The following KALRN variants were observed in gnomAD, a reference collection of about 807,000 sequenced individuals.
KALRN encodes the protein kalirin RhoGEF kinase.
KALRN carries 70 observed loss-of-function variants against 353.7 expected under a neutral mutation model. That is an observed-to-expected ratio of 0.20 (90% confidence interval 0.16 to 0.24). The LOEUF is 0.24. Ranked by LOEUF, KALRN falls within the 10% of genes least tolerant of loss-of-function variation. The probability of loss-of-function intolerance (pLI) is 1.00; values close to 1 mark genes in which losing one functional copy is unlikely to be tolerated. For synonymous variants in KALRN, 1,391 were observed against 1,434.8 expected (o/e 0.97, Z 0.69); for missense variants, 2,791 against 3,756.7 (o/e 0.74, Z 6.72).
intron 6 of KALRN, among the ~76,000 whole-genome samples, chr3:124,322,964 T>A (rs1020317071): frequency 6.6e-6 from 1 of 152,206 alleles, no homozygotes; most frequent in Non-Finnish European, 1.5e-5. Context: ...AGAAGAACAA[T>A]GAGCAAATTC....
At chr3:124,289,312 A>G (rs1367818835) in intron 5 of KALRN, among the ~76,000 whole-genome samples, 1 of 152,190 alleles carries the variant, frequency 6.6e-6, no homozygotes, top group Admixed American at 6.5e-5. Context: ...TTCAAACCAT[A>G]GCAGGCACTG....
chr3:124,217,427 G>A (rs2077440256), intron 1 of KALRN, among the ~76,000 whole-genome samples: 1 of 152,120 alleles, frequency 6.6e-6, no homozygotes, highest in African/African-American at 2.4e-5. Flanking sequence ...GACATATAGG[G>A]TTCATGCTAT....
In KALRN at chr3:124,496,064, GT is replaced by G. The variant is rs1431113251; in HGVS notation, c.4833-243del. On this transcript the variant is annotated intron_variant, in intron 32 of 59. Coordinates refer to ENST00000682506, the MANE Select transcript of KALRN (RefSeq NM_001388419.1). The stretch of plus-strand genomic sequence containing the variant: ...CCCCTCTGCAGCATGGGCTGGAGGA[GT>G]TTTGGGGAAGGGGGTCATTTTGCAT... Among the ~76,000 whole-genome samples the G allele has an allele frequency of 6.4e-5, 9 of 141,686 alleles. No individual in the cohort carries two copies. The Admixed American group carries it at 6.5e-4, about 10-fold the overall frequency. The allele number at this position is 141,686 out of a possible 152,430, so 93.0% of individuals were successfully genotyped here. A position where few individuals can be genotyped will look rare whatever the true frequency, so the allele number is the denominator to read the frequency against.
intron 12 of KALRN, among the ~76,000 whole-genome samples, chr3:124,398,261 A>G (rs1560802168): frequency 6.6e-6 from 1 of 152,078 alleles, no homozygotes; most frequent in African/African-American, 2.4e-5. Flanking sequence ...AACTAGGAAG[A>G]TTTTTTTTAA....
At chr3:124,615,099 T>C (rs1692595633) in intron 34 of KALRN, among the ~76,000 whole-genome samples, 1 of 152,256 alleles carries the variant, frequency 6.6e-6, no homozygotes, top group Admixed American at 6.5e-5. Context: ...TATGCAGTTT[T>C]ACCTGGTGGA....
At chr3:124,518,276 G>A (rs531461898) in intron 33 of KALRN, 1 of 837,384 alleles carries the variant, frequency 1.2e-6, no homozygotes, top group South Asian at 1.4e-5. Flanking sequence ...TCTGCACTGG[G>A]TTACTAGAAA....
intron 19 of KALRN, among the ~76,000 whole-genome samples, chr3:124,443,784 A>G (rs2093744106): frequency 6.6e-6 from 1 of 152,132 alleles, no homozygotes; most frequent in Non-Finnish European, 1.5e-5. Flanking sequence ...GAGGGGGGAA[A>G]ATAATCCTGA....
At position 124,694,577 on chromosome 3, in the gene KALRN, G is replaced by A. The variant is rs571413095; in HGVS notation, c.7577+74G>A. On this transcript the variant is annotated intron_variant, in intron 53 of 59. Coordinates refer to ENST00000682506, the MANE Select transcript of KALRN (RefSeq NM_001388419.1). ...AGCACTGAGAGGCTGAATCTGGGGT[G>A]CAACTTCTGCTCTGGTGACTGGGCT... The A allele has an allele frequency of 1.1e-5, 16 of 1,423,844 alleles. No homozygotes were observed. In the Admixed American group the frequency reaches 2.0e-4, roughly 18 times the overall value. 88.2% of individuals were successfully genotyped at this position (1,423,844 alleles called of 1,614,324 possible). A position where few individuals can be genotyped will look rare whatever the true frequency, so the allele number is the denominator to read the frequency against.
At chr3:124,310,947 G>T (rs1466748669) in intron 6 of KALRN, among the ~76,000 whole-genome samples, 6 of 150,820 alleles carry the variant, frequency 4.0e-5, no homozygotes, top group Admixed American at 3.3e-4. Flanking sequence ...ATGTGCAAAG[G>T]ATTTAAATAG....
At chr3:124,383,924 C>T (rs909874210) in intron 10 of KALRN, among the ~76,000 whole-genome samples, 3 of 152,170 alleles carry the variant, frequency 2.0e-5, no homozygotes, top group Non-Finnish European at 4.4e-5. Context: ...TTGTTCGCCA[C>T]TCTAGAGTTT....
At chr3:124,053,541 G>T (rs1346485511) in intron 1 of KALRN, among the ~76,000 whole-genome samples, 1 of 152,122 alleles carries the variant, frequency 6.6e-6, no homozygotes, top group Non-Finnish European at 1.5e-5. Context: ...CACTTCACAT[G>T]CTACTATAGC....
intron 1 of KALRN, among the ~76,000 whole-genome samples, chr3:124,199,127 C>T (rs1041155539): frequency 6.6e-6 from 1 of 152,218 alleles, no homozygotes; most frequent in African/African-American, 2.4e-5. Flanking sequence ...GAACTGAGTT[C>T]CTGAGTGGGA....
chr3:124,106,750 G>A (rs754834198), intron 1 of KALRN, among the ~76,000 whole-genome samples: 1 of 152,206 alleles, frequency 6.6e-6, no homozygotes, highest in Non-Finnish European at 1.5e-5. Context: ...GCTGAGCCTG[G>A]ATGTGAAGCC....
chr3:124,622,925 G>A (rs1414367147), intron 34 of KALRN, among the ~76,000 whole-genome samples: 4 of 136,334 alleles, frequency 2.9e-5, no homozygotes, highest in African/African-American at 9.1e-5. Context: ...AGAAAGGGGA[G>A]TAGCATTTTT....
intron 1 of KALRN, among the ~76,000 whole-genome samples, chr3:124,154,789 G>T (rs950939532): frequency 1.3e-5 from 2 of 152,090 alleles, no homozygotes; most frequent in African/African-American, 4.8e-5. Flanking sequence ...CCAAAAAAGA[G>T]CCCGCATCGC....
intron 1 of KALRN, among the ~76,000 whole-genome samples, chr3:124,124,167 C>T (rs2064357042): frequency 6.6e-6 from 1 of 152,140 alleles, no homozygotes; most frequent in South Asian, 2.1e-4. Flanking sequence ...GCCTTAAGAA[C>T]ATTTGTGGTT....
intron 6 of KALRN, among the ~76,000 whole-genome samples, chr3:124,323,192 G>A (rs1344629860): frequency 1.3e-5 from 2 of 152,166 alleles, no homozygotes; most frequent in African/African-American, 4.8e-5. Flanking sequence ...CAGGCTTAGA[G>A]GTTGAAGGGG....
In KALRN at chr3:124,527,771, T is replaced by C. The variant is rs185163936; in HGVS notation, c.4935+31358T>C. ...AAGTCAAGTGGGAACCTCAAACTAT[T>C]CCCCCATCCTTTACCAGCAGTCAAG... On this transcript the variant is annotated intron_variant, in intron 33 of 59. Coordinates refer to ENST00000682506, the MANE Select transcript of KALRN (RefSeq NM_001388419.1). Among the ~76,000 whole-genome samples, 310 of 151,708 alleles carry C rather than the reference T, an allele frequency of 2.0e-3. 1 individual carries two copies. Among genetic ancestry groups the C allele is most frequent in the Middle Eastern group, 6.8e-3 (2 of 294 alleles).
chr3:124,383,541 A>T (rs9869539), intron 10 of KALRN, among the ~76,000 whole-genome samples: 1 of 152,014 alleles, frequency 6.6e-6, no homozygotes, highest in Non-Finnish European at 1.5e-5. Context: ...TCATCTTCAC[A>T]TAGCATTGTC....
Sources: gnomAD v4.1 joint callset for allele counts (sites outside exome capture counted in the v4.1 genomes callset) on GRCh38, gnomAD v4.1.1 for gene constraint, MANE v1.5 for transcripts, NCBI Gene and HGNC (gene_info 2026-07-23, HGNC 2026-07-21) for gene names.